Variants in GLIS3 observed in about 807,000 individuals in gnomAD.
GLIS3 encodes the protein GLIS family zinc finger 3, also known as zinc finger protein GLIS3.
A neutral mutation model predicts 78.6 loss-of-function variants in GLIS3; 53 were observed. The ratio of observed to expected loss-of-function variants is 0.67; its 90% confidence interval spans 0.54 to 0.85. The LOEUF is 0.85. Among genes scored for constraint, GLIS3 ranks in the 40% least tolerant of loss-of-function variants. GLIS3 has a pLI of 0.00. For synonymous variants in GLIS3, 684 were observed against 509.9 expected (o/e 1.34, Z -4.60); for missense variants, 1,703 against 1,231.1 (o/e 1.38, Z -5.74).
intron 2 of GLIS3, among the ~76,000 whole-genome samples, chr9:4,326,649 A>C (rs370658273): frequency 5.3e-5 from 8 of 152,032 alleles, no homozygotes; most frequent in African/African-American, 1.9e-4. Context: ...GAATGTTCTT[A>C]ACGTCATGAA....
chr9:4,143,045 C>G (rs1833926734), intron 2 of GLIS3, among the ~76,000 whole-genome samples: 2 of 151,832 alleles, frequency 1.3e-5, no homozygotes, highest in African/African-American at 4.8e-5. Context: ...TGCAAAATAT[C>G]CAGAAAAAAA....
intron 4 of GLIS3, among the ~76,000 whole-genome samples, chr9:4,068,275 A>G (rs559401238): frequency 3.3e-5 from 5 of 152,200 alleles, no homozygotes; most frequent in African/African-American, 1.2e-4. Context: ...CTAAAACTTC[A>G]GCGCAAGAAA....
At chr9:3,851,715 G>A (rs1284066819) in intron 9 of GLIS3, among the ~76,000 whole-genome samples, 1 of 152,170 alleles carries the variant, frequency 6.6e-6, no homozygotes, top group African/African-American at 2.4e-5. Context: ...AAGCCCCTCT[G>A]ACTTGTAACC....
At chr9:4,453,345 CAAA>C in the GLIS3 span, among the ~76,000 whole-genome samples, 5 of 91,638 alleles carry the variant, frequency 5.5e-5, no homozygotes, top group Non-Finnish European at 1.1e-4. Flanking sequence ...TTCTGCACAG[CAAA>C]AAAAAAAAAA....
intron 2 of GLIS3, among the ~76,000 whole-genome samples, chr9:4,236,178 T>C: frequency 3.5e-5 from 1 of 28,286 alleles, no homozygotes; most frequent in Admixed American, 6.3e-4. Flanking sequence ...CTTGACGTGG[T>C]TGTCACAAAA....
chr9:3,860,617 T>C (rs1029014292), intron 8 of GLIS3, among the ~76,000 whole-genome samples: 5 of 152,168 alleles, frequency 3.3e-5, no homozygotes, highest in Non-Finnish European at 7.3e-5. Flanking sequence ...GAGAAGCAGA[T>C]GGGCAAAGGA....
intron 2 of GLIS3, among the ~76,000 whole-genome samples, chr9:4,197,474 A>G (rs1362200364): frequency 5.3e-5 from 8 of 151,196 alleles, no homozygotes; most frequent in Non-Finnish European, 4.4e-5. Flanking sequence ...CCCACCCCCA[A>G]CTCCATCACC....
intron 4 of GLIS3, among the ~76,000 whole-genome samples, chr9:4,043,489 C>T (rs1405943659): frequency 2.0e-5 from 3 of 151,976 alleles, no homozygotes; most frequent in African/African-American, 4.8e-5. Context: ...CTGAAGGCTC[C>T]ATCAGTCAGT....
intron 4 of GLIS3, among the ~76,000 whole-genome samples, chr9:4,307,884 A>AC (rs1227596903): frequency 1.3e-5 from 2 of 152,164 alleles, no homozygotes; most frequent in African/African-American, 4.8e-5. Context: ...GACCAAGGAA[A>AC]CCTGTGTCAG....
intron 4 of GLIS3, among the ~76,000 whole-genome samples, chr9:3,943,430 G>A (rs745733701): frequency 5.3e-5 from 8 of 152,214 alleles, no homozygotes; most frequent in Admixed American, 6.5e-5. Flanking sequence ...CAAATCACCC[G>A]CTTGTCCTTA....
chr9:4,067,237 T>C (rs1411990926), intron 4 of GLIS3, among the ~76,000 whole-genome samples: 1 of 151,692 alleles, frequency 6.6e-6, no homozygotes, highest in Non-Finnish European at 1.5e-5. Context: ...TAAAGTATAA[T>C]AGAAAGTATA....
At chr9:3,871,865 G>C (rs941370266) in intron 8 of GLIS3, among the ~76,000 whole-genome samples, 4 of 152,208 alleles carry the variant, frequency 2.6e-5, no homozygotes, top group African/African-American at 7.2e-5. Flanking sequence ...CAGCCAGCTT[G>C]AATTTCTCCC....
At chr9:4,440,146 CTT>C in the GLIS3 span, among the ~76,000 whole-genome samples, 1 of 152,134 alleles carries the variant, frequency 6.6e-6, no homozygotes, top group South Asian at 2.1e-4. Context: ...TAAGTTGTCT[CTT>C]TACTCTGCTA....
intron 4 of GLIS3, among the ~76,000 whole-genome samples, chr9:3,998,676 C>A (rs1012654717): frequency 2.0e-5 from 3 of 151,110 alleles, no homozygotes; most frequent in Admixed American, 6.6e-5. Flanking sequence ...ATTTGATATA[C>A]AGTTAGAATT....
the GLIS3 span, among the ~76,000 whole-genome samples, chr9:4,396,919 G>T: frequency 2.6e-5 from 4 of 152,012 alleles, no homozygotes; most frequent in African/African-American, 9.6e-5. Context: ...CGTGTTTTCT[G>T]GGAAAACGCC....
chr9:4,478,139 C>T, the GLIS3 span, among the ~76,000 whole-genome samples: 2 of 151,982 alleles, frequency 1.3e-5, no homozygotes, highest in Non-Finnish European at 2.9e-5. Flanking sequence ...AGTCAGAAAA[C>T]AAAGACACTA....
chr9:4,338,064 T>TC (rs1198244876), intron 2 of GLIS3, among the ~76,000 whole-genome samples: 1 of 132,880 alleles, frequency 7.5e-6, no homozygotes, highest in African/African-American at 2.9e-5. Context: ...GTGTGTGTGT[T>TC]TAGTTTTGAA....
intron 4 of GLIS3, among the ~76,000 whole-genome samples, chr9:4,059,492 GA>G (rs989998937): frequency 2.2e-4 from 34 of 152,252 alleles, no homozygotes; most frequent in Admixed American, 1.3e-3. Flanking sequence ...TTGCTTTGTG[GA>G]AAAACCACAA....
chr9:4,296,645 A>G (rs956514735), intron 1 of GLIS3, among the ~76,000 whole-genome samples: 2 of 152,180 alleles, frequency 1.3e-5, no homozygotes, highest in Non-Finnish European at 2.9e-5. Context: ...AGGTGAACCA[A>G]GGGGAGAAGT....
Sources: gnomAD v4.1 joint callset for allele counts (sites outside exome capture counted in the v4.1 genomes callset) on GRCh38, gnomAD v4.1.1 for gene constraint, MANE v1.5 for transcripts, NCBI Gene and HGNC (gene_info 2026-07-23, HGNC 2026-07-21) for gene names.